HSD17B12: variants seen among roughly 807,000 people sequenced by gnomAD.
HSD17B12 encodes the protein hydroxysteroid 17-beta dehydrogenase 12.
Under a neutral mutation model 39.3 loss-of-function variants are expected in HSD17B12, and 32 were observed. The observed-to-expected ratio is 0.81, with a 90% CI of 0.61 to 1.09. The LOEUF (loss-of-function observed/expected upper bound fraction) is 1.09, where lower values mean the gene tolerates loss of function less well. HSD17B12 is among the 50% of genes least tolerant of loss of function. HSD17B12 has a pLI of 0.00. For missense variants in HSD17B12, 342 were observed against 382.9 expected, an observed-to-expected ratio of 0.89 and a Z score of 0.89; for synonymous variants, 150 against 146.7, an observed-to-expected ratio of 1.02 and a Z score of -0.16.
chr11:43,699,992 C>T (rs1469169918), intron 1 of HSD17B12, among the ~76,000 whole-genome samples: 1 of 152,022 alleles, frequency 6.6e-6, no homozygotes, highest in African/African-American at 2.4e-5. Context: ...GAGCTTTAGC[C>T]CACACAATAA....
intron 9 of HSD17B12, among the ~76,000 whole-genome samples, chr11:43,846,454 A>G (rs1951475729): frequency 1.3e-5 from 2 of 152,222 alleles, no homozygotes; most frequent in Non-Finnish European, 2.9e-5. Context: ...ACTTGAGGTC[A>G]GGAGTTCAAG....
At chr11:43,819,745 T>C (rs1450940858) in intron 6 of HSD17B12, among the ~76,000 whole-genome samples, 2 of 152,222 alleles carry the variant, frequency 1.3e-5, no homozygotes, top group Admixed American at 6.5e-5. Context: ...GTAAGTGTCA[T>C]TGGCAGAACT....
chr11:43,811,332 C>A (rs895102041), intron 4 of HSD17B12, among the ~76,000 whole-genome samples: 1 of 152,136 alleles, frequency 6.6e-6, no homozygotes, highest in Admixed American at 6.5e-5. Context: ...ATTCATTCCA[C>A]AAGCAAAAGG....
the HSD17B12 span, among the ~76,000 whole-genome samples, chr11:43,585,345 A>C: frequency 6.6e-6 from 1 of 152,166 alleles, no homozygotes; most frequent in African/African-American, 2.4e-5. Context: ...GAATTTTGAA[A>C]CCCCAGGGCT....
rs1951582804 is a variant in HSD17B12 at position 43,856,322 on chromosome 11, G to C, written c.*1074G>C. ...ACTCACCAAGAAAGAATTCAATACT[G>C]TGAAATATGCAGCAAGAAGATTGGT... On this transcript the variant is annotated 3_prime_UTR_variant, in exon 11 of 11. Coordinates refer to ENST00000278353, the MANE Select transcript of HSD17B12 (RefSeq NM_016142.3). 1 of 152,114 alleles carries C rather than the reference G, an allele frequency of 6.6e-6. No individual in the cohort carries two copies. The highest frequency in any genetic ancestry group is 2.1e-4 in the South Asian group (1 of 4,832). 9.4% of individuals were successfully genotyped at this position (152,114 alleles called of 1,614,324 possible).
At chr11:43,661,679 G>A in the HSD17B12 span, among the ~76,000 whole-genome samples, 1 of 152,110 alleles carries the variant, frequency 6.6e-6, no homozygotes, top group Non-Finnish European at 1.5e-5. Flanking sequence ...AATCAGAGAT[G>A]TGTATAAAAC....
intron 1 of HSD17B12, chr11:43,724,016 C>G (rs1213872519): frequency 2.0e-5 from 3 of 151,862 alleles, no homozygotes; most frequent in Non-Finnish European, 4.4e-5. Flanking sequence ...TAAGATCTAA[C>G]AGATTTTCAG....
chr11:43,746,083 A>G (rs964144160), intron 1 of HSD17B12, among the ~76,000 whole-genome samples: 2 of 152,160 alleles, frequency 1.3e-5, no homozygotes, highest in Admixed American at 1.3e-4. Context: ...AACCTGCAGG[A>G]CTGGAGTTTT....
At chr11:43,675,509 G>A in the HSD17B12 span, among the ~76,000 whole-genome samples, 1 of 152,080 alleles carries the variant, frequency 6.6e-6, no homozygotes. Context: ...TGTTGCCGGA[G>A]AGGTCAGGGC....
the HSD17B12 span, among the ~76,000 whole-genome samples, chr11:43,588,773 G>T: frequency 6.6e-6 from 1 of 151,750 alleles, no homozygotes; most frequent in Non-Finnish European, 1.5e-5. Context: ...CTGTCCATTT[G>T]TTCCATGGCC....
chr11:43,690,127 A>C (rs1590661770), intron 1 of HSD17B12, among the ~76,000 whole-genome samples: 1 of 147,916 alleles, frequency 6.8e-6, no homozygotes, highest in African/African-American at 2.5e-5. Context: ...TTTCTCCCTC[A>C]CTCCCACTCC....
chr11:43,749,628 CT>C (rs1056729478), intron 1 of HSD17B12, among the ~76,000 whole-genome samples: 1 of 149,450 alleles, frequency 6.7e-6, no homozygotes, highest in Non-Finnish European at 1.5e-5. Flanking sequence ...GATATTTCAA[CT>C]TTTTTTTTCT....
chr11:43,562,275 C>T, the HSD17B12 span, among the ~76,000 whole-genome samples: 1 of 152,344 alleles, frequency 6.6e-6, no homozygotes, highest in South Asian at 2.1e-4. Context: ...TAGGAGTAGG[C>T]ATAGGTCTCT....
At chr11:43,598,399 T>C in the HSD17B12 span, among the ~76,000 whole-genome samples, 5 of 151,986 alleles carry the variant, frequency 3.3e-5, no homozygotes, top group Admixed American at 3.3e-4. Flanking sequence ...TTTCTTGAGC[T>C]GGGGTATTTT....
At chr11:43,768,140 A>G (rs187433546) in intron 3 of HSD17B12, among the ~76,000 whole-genome samples, 35 of 152,304 alleles carry the variant, frequency 2.3e-4, no homozygotes, top group Middle Eastern at 6.8e-3. Flanking sequence ...CCATGCTTTT[A>G]AGTGTACTTT....
chr11:43,703,022 TTTG>T (rs1003536799), intron 1 of HSD17B12, among the ~76,000 whole-genome samples: 2 of 152,056 alleles, frequency 1.3e-5, no homozygotes, highest in Non-Finnish European at 2.9e-5. Context: ...TTTTCCTTTT[TTTG>T]TTGTTGTTGT....
At chr11:43,616,326 T>C in the HSD17B12 span, among the ~76,000 whole-genome samples, 1 of 148,686 alleles carries the variant, frequency 6.7e-6, no homozygotes, top group Non-Finnish European at 1.5e-5. Flanking sequence ...GAGAATCACT[T>C]GAACCTGGGA....
chr11:43,710,222 A>T (rs571139749), intron 1 of HSD17B12, among the ~76,000 whole-genome samples: 1 of 152,280 alleles, frequency 6.6e-6, no homozygotes, highest in East Asian at 1.9e-4. Flanking sequence ...TTTTCTACAT[A>T]CTCAAGAAAT....
At chr11:43,759,370 T>A (rs1950537681) in intron 3 of HSD17B12, among the ~76,000 whole-genome samples, 1 of 152,202 alleles carries the variant, frequency 6.6e-6, no homozygotes, top group Admixed American at 6.5e-5. Context: ...TCACCAACAA[T>A]GGATAAGTGC....
Sources: gnomAD v4.1 joint callset for allele counts (sites outside exome capture counted in the v4.1 genomes callset) on GRCh38, gnomAD v4.1.1 for gene constraint, MANE v1.5 for transcripts, NCBI Gene and HGNC (gene_info 2026-07-23, HGNC 2026-07-21) for gene names.